SYT10: variants seen among roughly 807,000 people sequenced by gnomAD.
The protein encoded by SYT10 is synaptotagmin-10.
SYT10 carries 31 observed loss-of-function variants against 51.1 expected under a neutral mutation model. The ratio of observed to expected loss-of-function variants is 0.61; its 90% CI spans 0.46 to 0.82. The LOEUF is 0.82. SYT10 is among the 40% of genes least tolerant of loss of function. The probability of loss-of-function intolerance (pLI) is 0.00; values close to 1 mark genes in which losing one functional copy is unlikely to be tolerated. For synonymous variants in SYT10, 233 were observed against 225.9 expected, an observed-to-expected ratio of 1.03 and a Z score of -0.28; for missense variants, 603 against 634.0, an observed-to-expected ratio of 0.95 and a Z score of 0.53.
chr12:33,388,295 C>T (rs143022589), intron 3 of SYT10, among the ~76,000 whole-genome samples: 115 of 152,126 alleles, frequency 7.6e-4, no homozygotes, highest in Middle Eastern at 3.4e-3. Context: ...GAAATATATC[C>T]TATATGTTCT....
intron 4 of SYT10, among the ~76,000 whole-genome samples, chr12:33,383,158 T>G (rs10844572): frequency 0.19 from 28,663 of 152,076 alleles, 3,028 homozygotes; most frequent in South Asian, 0.28. Flanking sequence ...TTATAGAACA[T>G]TATATGATGG....
At position 33,375,419 on chromosome 12, in the gene SYT10, T is replaced by A. The variant is rs1403053412; in HGVS notation, c.*1411A>T. 4.6e-5 allele frequency: 7 copies of A among 152,066 alleles called. No homozygotes were observed. The highest frequency in any genetic ancestry group is 4.6e-4 in the Admixed American group (7 of 15,262). The allele number at this position is 152,066 out of a possible 1,614,324, so 9.4% of individuals were successfully genotyped here. ...AATATGTTTTTATTTTCTTGCCTCT[T>A]TTTTTAAAAAAACCACCAATTTTGA... is the stretch of plus-strand genomic sequence containing the variant. On this transcript the variant is annotated 3_prime_UTR_variant, in exon 7 of 7. Coordinates refer to ENST00000228567, the MANE Select transcript of SYT10 (RefSeq NM_198992.4).
chr12:33,425,113 C>A (rs989551644), intron 2 of SYT10, among the ~76,000 whole-genome samples: 1 of 151,930 alleles, frequency 6.6e-6, no homozygotes, highest in Non-Finnish European at 1.5e-5. Context: ...ACCAATATGA[C>A]CCAGTTTTTC....
chr12:33,402,691 C>A (rs1280853820), intron 3 of SYT10, among the ~76,000 whole-genome samples: 2 of 151,998 alleles, frequency 1.3e-5, no homozygotes, highest in Admixed American at 1.3e-4. Context: ...TGCAGTAGAA[C>A]AGAAAATTTT....
chr12:33,375,266 T>C lies in SYT10; in HGVS notation c.*1564A>G, dbSNP rs1866052713. On this transcript the variant is annotated 3_prime_UTR_variant, in exon 7 of 7. Transcript: ENST00000228567. ...ATATTTACCTCTTAATTAACAGTAA[T>C]GCCATCACTATAAGAGATGTCAACA... is the stretch of plus-strand genomic sequence containing the variant. 1 of 152,070 alleles carries C rather than the reference T, an allele frequency of 6.6e-6. No homozygotes were observed. Among genetic ancestry groups the C allele is most frequent in the South Asian group, 2.1e-4 (1 of 4,832 alleles). The allele number at this position is 152,070 out of a possible 1,614,324, so 9.4% of individuals were successfully genotyped here.
intron 1 of SYT10, among the ~76,000 whole-genome samples, chr12:33,438,643 G>A (rs138018221): frequency 5.9e-5 from 9 of 152,170 alleles, no homozygotes; most frequent in African/African-American, 2.2e-4. Context: ...CTGTGAGTTG[G>A]ATGTCTGAGA....
At chr12:33,431,153 A>G (rs1866593674) in intron 1 of SYT10, among the ~76,000 whole-genome samples, 1 of 152,206 alleles carries the variant, frequency 6.6e-6, no homozygotes, top group Non-Finnish European at 1.5e-5. Context: ...GGATGGAAGA[A>G]GAAGATGGAA....
chr12:33,395,424 C>T (rs189418600), intron 3 of SYT10, among the ~76,000 whole-genome samples: 30 of 152,282 alleles, frequency 2.0e-4, no homozygotes, highest in African/African-American at 7.2e-4. Flanking sequence ...TTAACAGTAT[C>T]TTTGGAACCT....
Position 33,439,496 on chromosome 12 carries a change from C to A in SYT10, c.27G>T (p.Val9=), listed in dbSNP as rs1467434170. 2 of 1,613,804 alleles carry A rather than the reference C, an allele frequency of 1.2e-6. No individual in the cohort carries two copies. The highest frequency in any genetic ancestry group is 4.5e-5 in the East Asian group (2 of 44,842). ...GCAGAGCCTTCTGGCACAGACTGTT[C>A]ACTCCGTCCTCCTTGTGGAAACTCA... is the stretch of plus-strand genomic sequence containing the variant. MSFHKEDG[V]NSLCQKALHI... Residue 9 remains valine, a synonymous_variant, in exon 1 of 7, where the codon GTG becomes GTT. Coordinates refer to ENST00000228567, the MANE Select transcript of SYT10 (RefSeq NM_198992.4).
In SYT10 at chr12:33,414,485, G is replaced by A. The variant is rs1442812328; in HGVS notation, c.510-7129C>T. 2.0e-5 allele frequency among the ~76,000 whole-genome samples: 3 copies of A among 152,180 alleles called. No individual in the cohort carries two copies. The East Asian group carries it at 5.8e-4, about 29-fold the overall frequency. ...AGAAATTATCACAAACTGTCTCTCAGACCACAGTGCAATCAAACTAGAACT... is the reference window on the plus strand; with the variant it reads ...AGAAATTATCACAAACTGTCTCTCAAACCACAGTGCAATCAAACTAGAACT... On this transcript the variant is annotated intron_variant, in intron 2 of 6. Transcript: ENST00000228567.
chr12:33,391,647 G>A (rs1866208364), intron 3 of SYT10, among the ~76,000 whole-genome samples: 1 of 152,168 alleles, frequency 6.6e-6, no homozygotes, highest in Admixed American at 6.5e-5. Flanking sequence ...TAACAATTAT[G>A]TGGAGGGGTT....
At chr12:33,401,674 C>A (rs574877499) in intron 3 of SYT10, among the ~76,000 whole-genome samples, 1 of 152,014 alleles carries the variant, frequency 6.6e-6, no homozygotes, top group African/African-American at 2.4e-5. Context: ...AATTTGTCTA[C>A]AAAAAGTAGC....
intron 3 of SYT10, among the ~76,000 whole-genome samples, chr12:33,385,980 C>T (rs987287895): frequency 3.3e-5 from 5 of 152,126 alleles, no homozygotes; most frequent in African/African-American, 9.7e-5. Context: ...TGGGACATTC[C>T]TGGTTTATAC....
chr12:33,423,558 G>T (rs1356339671), intron 2 of SYT10, among the ~76,000 whole-genome samples: 4 of 152,066 alleles, frequency 2.6e-5, no homozygotes, highest in Non-Finnish European at 5.9e-5. Context: ...TTGAGAACTA[G>T]AAATAATCAT....
chr12:33,390,564 C>A (rs1416178189), intron 3 of SYT10, among the ~76,000 whole-genome samples: 2 of 118,898 alleles, frequency 1.7e-5, no homozygotes, highest in Non-Finnish European at 3.3e-5. Flanking sequence ...AAAAACTCCA[C>A]CCTCTATATA....
chr12:33,419,151 T>C (rs1866479099), intron 2 of SYT10, among the ~76,000 whole-genome samples: 1 of 152,192 alleles, frequency 6.6e-6, no homozygotes, highest in Admixed American at 6.5e-5. Context: ...CTGTCCTGGC[T>C]ACAATGTTTA....
chr12:33,416,773 A>C (rs1866457387), intron 2 of SYT10, among the ~76,000 whole-genome samples: 1 of 152,192 alleles, frequency 6.6e-6, no homozygotes, highest in South Asian at 2.1e-4. Flanking sequence ...GATAGAAGAA[A>C]TAATGGCATG....
intron 2 of SYT10, among the ~76,000 whole-genome samples, chr12:33,413,558 T>C (rs12820876): frequency 7.8e-4 from 119 of 152,228 alleles, no homozygotes; most frequent in African/African-American, 2.7e-3. Flanking sequence ...TATTTTCAAC[T>C]CAGAATTTCA....
intron 2 of SYT10, among the ~76,000 whole-genome samples, chr12:33,416,404 A>G (rs988790785): frequency 6.6e-5 from 10 of 151,990 alleles, no homozygotes; most frequent in African/African-American, 2.4e-4. Context: ...CTTTTAAGCT[A>G]CCACACCCAT....
Sources: gnomAD v4.1 joint callset for allele counts (sites outside exome capture counted in the v4.1 genomes callset) on GRCh38, gnomAD v4.1.1 for gene constraint, MANE v1.5 for transcripts, NCBI Gene and HGNC (gene_info 2026-07-23, HGNC 2026-07-21) for gene names.